IBSP: variants seen among roughly 807,000 people sequenced by gnomAD.
The protein encoded by IBSP is integrin-binding sialoprotein.
A neutral mutation model predicts 25.5 loss-of-function variants in IBSP; 19 were observed. The observed-to-expected ratio is 0.74, with a 90% confidence interval of 0.52 to 1.09. The LOEUF is 1.09. IBSP is among the 50% of genes least tolerant of loss of function. IBSP has a pLI of 0.00. For synonymous variants in IBSP, 144 were observed against 137.6 expected (o/e 1.05, Z -0.33); for missense variants, 360 against 382.3 (o/e 0.94, Z 0.49).
intron 5 of IBSP, among the ~76,000 whole-genome samples, chr4:87,807,761 G>A (rs746033452): frequency 6.6e-6 from 1 of 152,096 alleles, no homozygotes; most frequent in Non-Finnish European, 1.5e-5. Context: ...AACATTTAAG[G>A]TCTTCCCAGA....
intron 5 of IBSP, 78 bp from the exon 6 acceptor site, chr4:87,810,528 A>G: frequency 8.6e-7 from 1 of 1,166,112 alleles, no homozygotes; most frequent in Non-Finnish European, 1.3e-6. Flanking sequence ...AACCTTCAAT[A>G]AATGATTCAC....
intron 1 of IBSP, among the ~76,000 whole-genome samples, chr4:87,801,558 GA>G (rs1722017773): frequency 6.6e-6 from 1 of 151,736 alleles, no homozygotes; most frequent in Non-Finnish European, 1.5e-5. Flanking sequence ...AAGATGTTCA[GA>G]GGAAAATTGC....
rs1410456442 is a variant in IBSP, at chr4:87,806,163, A to G, written c.225A>G (p.Ser75=). ...CCGAAGAAAATGGAGATGACAGTTC[A>G]GAAGAGGAGGAGGAAGAAGAGGTAA... ...DSSEENGDDS[S]EEEEEEEETS... The change falls in exon 5 of 7, where the codon TCA becomes TCG. Residue 75 remains serine, a synonymous_variant. Transcript: ENST00000226284. 1.2e-6 allele frequency: 2 copies of G among 1,611,766 alleles called. No individual in the cohort carries two copies. Among genetic ancestry groups the G allele is most frequent in the Non-Finnish European group, 1.7e-6 (2 of 1,179,204 alleles).
In IBSP at chr4:87,810,702, G is replaced by A; in HGVS notation, c.343G>A (p.Gly115Arg). 1 of 1,613,922 alleles carries A rather than the reference G, an allele frequency of 6.2e-7. No individual in the cohort carries two copies. Among genetic ancestry groups the A allele is most frequent in the Non-Finnish European group, 8.5e-7 (1 of 1,179,836 alleles). Residue 115 changes from glycine to arginine, a missense_variant, in exon 6 of 7, where the codon GGA becomes AGA. Physicochemically the swap from Gly to Arg is moderately radical, Grantham distance 125. Transcript: ENST00000226284. Reference protein sequence around the residue: ...TTLSATTLGYGEDATPGTGYT... With the variant: ...TTLSATTLGYREDATPGTGYT... ...ACTTTCTGCTACAACACTGGGCTAT[G>A]GAGAGGACGCCACGCCTGGCACAGG... is the stretch of plus-strand genomic sequence containing the variant.
chr4:87,804,439 T>G (rs1722064321), intron 4 of IBSP, among the ~76,000 whole-genome samples: 1 of 152,230 alleles, frequency 6.6e-6, no homozygotes. Context: ...CTTATATATC[T>G]GCTAGACTAT....
intron 6 of IBSP, 65 bp downstream of exon 6, chr4:87,810,829 C>A: frequency 7.0e-7 from 1 of 1,424,046 alleles, no homozygotes; most frequent in South Asian, 1.3e-5. Context: ...AATGTTCAAT[C>A]TTTTTTAAAC....
chr4:87,803,579 T>C (rs1336094335), intron 4 of IBSP, among the ~76,000 whole-genome samples: 2 of 152,112 alleles, frequency 1.3e-5, no homozygotes, highest in Non-Finnish European at 2.9e-5. Context: ...TTTGAGACAC[T>C]AAAAGCAGTC....
At position 87,811,761 on chromosome 4, in the gene IBSP, A is replaced by G. The variant is rs2110058880; in HGVS notation, c.805A>G (p.Asn269Asp). The G allele has an allele frequency of 1.2e-6, 2 of 1,614,000 alleles. No homozygotes were observed. Among genetic ancestry groups the G allele is most frequent in the East Asian group, 4.5e-5 (2 of 44,872 alleles). Residue 269 changes from asparagine (N) to aspartate (D), a missense_variant, in exon 7 of 7, where the codon AAT becomes GAT. Asn to Asp is a conservative substitution (Grantham distance 23). Coordinates refer to ENST00000226284, the MANE Select transcript of IBSP (RefSeq NM_004967.4). ...GGGGGAGTACGAATACACGGGCGCC[A>G]ATGAATACGACAATGGATATGAAAT... is the stretch of plus-strand genomic sequence containing the variant. Reference protein sequence around the residue: ...YEGEYEYTGANEYDNGYEIYE... With the variant: ...YEGEYEYTGADEYDNGYEIYE...
chr4:87,809,999 A>G (rs1220356731), intron 5 of IBSP, among the ~76,000 whole-genome samples: 1 of 152,208 alleles, frequency 6.6e-6, no homozygotes, highest in Non-Finnish European at 1.5e-5. Context: ...TGGGAGGTTG[A>G]GGCGGGCAGA....
intron 1 of IBSP, among the ~76,000 whole-genome samples, chr4:87,801,179 G>A (rs1313923732): frequency 3.3e-5 from 5 of 152,056 alleles, no homozygotes; most frequent in African/African-American, 1.2e-4. Context: ...TTTGAGAGCT[G>A]CATCTTCGAT....
At chr4:87,805,871 C>T (rs1257636421) in intron 4 of IBSP, among the ~76,000 whole-genome samples, 1 of 152,172 alleles carries the variant, frequency 6.6e-6, no homozygotes, top group Non-Finnish European at 1.5e-5. Context: ...ATGGGACATC[C>T]AATTCATATC....
chr4:87,805,091 GA>G (rs1404985175), intron 4 of IBSP, among the ~76,000 whole-genome samples: 2 of 152,134 alleles, frequency 1.3e-5, no homozygotes, highest in Non-Finnish European at 2.9e-5. Context: ...TTGGGTGGAT[GA>G]TGTGGCCATC....
At chr4:87,801,937 G>A (rs138853787) in intron 1 of IBSP, among the ~76,000 whole-genome samples, 121 of 152,196 alleles carry the variant, frequency 8.0e-4, no homozygotes, top group Middle Eastern at 3.4e-3. Context: ...ATACCTGGTC[G>A]AGTTTTTAAT....
chr4:87,803,056 T>G (rs908363735), intron 4 of IBSP, among the ~76,000 whole-genome samples: 1 of 152,184 alleles, frequency 6.6e-6, no homozygotes, highest in Non-Finnish European at 1.5e-5. Context: ...GTTGACCAAT[T>G]CCATCAGTGA....
In IBSP at chr4:87,802,566, A is replaced by C; in HGVS notation, c.105+8A>C. On this transcript the variant is annotated splice_region_variant and intron_variant, in intron 3 of 6. Transcript: ENST00000226284. ...GATTCTGAAGAAAATGGGGTAATTA[A>C]TTTTAGCATACTTCCTTGGCCTGAT... is the stretch of plus-strand genomic sequence containing the variant. 6.2e-7 allele frequency: 1 copy of C among 1,601,318 alleles called. No individual in the cohort carries two copies. Among genetic ancestry groups the C allele is most frequent in the Non-Finnish European group, 8.5e-7 (1 of 1,174,776 alleles).
intron 6 of IBSP, 146 bp from the exon 7 acceptor site, chr4:87,811,216 C>A: frequency 1.1e-6 from 1 of 875,410 alleles, no homozygotes; most frequent in Non-Finnish European, 1.7e-6. Context: ...GTTTTAAAGC[C>A]CCCAATCATT....
intron 5 of IBSP, among the ~76,000 whole-genome samples, chr4:87,806,855 A>G (rs1438509268): frequency 1.3e-5 from 2 of 152,090 alleles, no homozygotes; most frequent in Non-Finnish European, 2.9e-5. Context: ...ACATACAAAA[A>G]TTAGCCAGGT....
chr4:87,805,256 C>T (rs1273281337), intron 4 of IBSP, among the ~76,000 whole-genome samples: 2 of 152,164 alleles, frequency 1.3e-5, no homozygotes, highest in Non-Finnish European at 2.9e-5. Flanking sequence ...CTAAATATTG[C>T]AGGGAAGGAA....
At chr4:87,804,270 C>A (rs1230626633) in intron 4 of IBSP, among the ~76,000 whole-genome samples, 1 of 152,092 alleles carries the variant, frequency 6.6e-6, no homozygotes, top group Non-Finnish European at 1.5e-5. Context: ...GTGTTTAGTG[C>A]CCATGTTGTC....
Sources: allele counts gnomAD v4.1 joint callset (sites outside exome capture counted in the v4.1 genomes callset), GRCh38; gene constraint gnomAD v4.1.1; transcripts MANE v1.5; gene names NCBI Gene and HGNC (gene_info 2026-07-23, HGNC 2026-07-21).